UBTD1: variants seen among roughly 807,000 people sequenced by gnomAD.
The protein encoded by UBTD1 is ubiquitin domain containing 1, also known as ubiquitin domain-containing protein 1.
Under a neutral mutation model 21.7 loss-of-function variants are expected in UBTD1, and 19 were observed. The observed-to-expected ratio is 0.87, with a 90% CI of 0.61 to 1.28. The LOEUF (loss-of-function observed/expected upper bound fraction) is 1.28, where lower values mean the gene tolerates loss of function less well. UBTD1 is among the 50% of genes most tolerant of loss of function. The probability of loss-of-function intolerance (pLI) is 0.00; values close to 1 mark genes in which losing one functional copy is unlikely to be tolerated. For synonymous variants in UBTD1, 116 were observed against 135.1 expected (o/e 0.86, Z 0.98); for missense variants, 282 against 315.1 (o/e 0.89, Z 0.80).
chr10:97,518,921 A>C (rs2040455663), intron 1 of UBTD1, among the ~76,000 whole-genome samples: 1 of 152,242 alleles, frequency 6.6e-6, no homozygotes, highest in African/African-American at 2.4e-5. Context: ...TAACTCAATG[A>C]AGTAAGTTGT....
intron 1 of UBTD1, among the ~76,000 whole-genome samples, chr10:97,528,247 G>A (rs1307149949): frequency 7.9e-5 from 10 of 126,438 alleles, no homozygotes; most frequent in Middle Eastern, 4.5e-3. Flanking sequence ...CAGTAGGGGC[G>A]GCCGGGCAGA....
chr10:97,517,814 C>T (rs994167005), intron 1 of UBTD1, among the ~76,000 whole-genome samples: 12 of 152,148 alleles, frequency 7.9e-5, no homozygotes, highest in Non-Finnish European at 1.5e-4. Context: ...GAATGACCAA[C>T]TGCATAGGCC....
intron 1 of UBTD1, among the ~76,000 whole-genome samples, chr10:97,565,185 A>G (rs1323054160): frequency 6.6e-6 from 1 of 152,176 alleles, no homozygotes; most frequent in Non-Finnish European, 1.5e-5. Context: ...CAAATATTTT[A>G]CGGGGTTTGG....
intron 1 of UBTD1, among the ~76,000 whole-genome samples, chr10:97,552,515 GCTC>G (rs1416824054): frequency 1.4e-5 from 2 of 146,904 alleles, no homozygotes; most frequent in African/African-American, 5.0e-5. Context: ...CCTGCCTCAA[GCTC>G]CCAAGTAGTT....
chr10:97,526,748 G>A (rs146665448), intron 1 of UBTD1, among the ~76,000 whole-genome samples: 1,735 of 151,956 alleles, frequency 0.011, 32 homozygotes, highest in African/African-American at 0.04. Flanking sequence ...CTACTTGGGA[G>A]GCTGAAGCAG....
At chr10:97,565,515 A>T (rs2040712746) in intron 1 of UBTD1, among the ~76,000 whole-genome samples, 1 of 152,100 alleles carries the variant, frequency 6.6e-6, no homozygotes, top group Non-Finnish European at 1.5e-5. Flanking sequence ...CTAGCAGGGC[A>T]TAGTGTCACC....
chr10:97,567,914 G>T lies in UBTD1; in HGVS notation c.71G>T (p.Gly24Val). ...AAPGHPRKRAGRNEPLKKERL... is the reference protein window; with the variant it reads ...AAPGHPRKRAVRNEPLKKERL... The stretch of plus-strand genomic sequence containing the variant: ...GAGCCTCTCCTTCTGTCCTGCCCAG[G>T]ACGCAATGAGCCCCTGAAGAAAGAG... The change falls in exon 2 of 3, where the codon GGA (glycine) becomes GTA (valine). Residue 24 changes from glycine to valine, a missense_variant and splice_region_variant. Transcript: ENST00000370664. 1 of 1,614,098 alleles carries T rather than the reference G, an allele frequency of 6.2e-7. No individual in the cohort carries two copies. Among genetic ancestry groups the T allele is most frequent in the Non-Finnish European group, 8.5e-7 (1 of 1,180,030 alleles).
chr10:97,530,231 G>A (rs1054898646), intron 1 of UBTD1, among the ~76,000 whole-genome samples: 2 of 132,808 alleles, frequency 1.5e-5, no homozygotes, highest in Non-Finnish European at 3.5e-5. Flanking sequence ...TGAATGGATG[G>A]ATGAATCGAT....
intron 1 of UBTD1, among the ~76,000 whole-genome samples, chr10:97,563,587 G>A (rs1053216177): frequency 6.6e-6 from 1 of 152,170 alleles, no homozygotes; most frequent in Non-Finnish European, 1.5e-5. Flanking sequence ...GAAAGTATTG[G>A]AGGGTACCCC....
At chr10:97,507,707 C>T (rs559563290) in intron 1 of UBTD1, among the ~76,000 whole-genome samples, 16 of 133,988 alleles carry the variant, frequency 1.2e-4, no homozygotes, top group Admixed American at 9.5e-4. Context: ...ACCTGGGAGG[C>T]GGAGGTTGCA....
At chr10:97,549,071 C>T (rs867631060) in intron 1 of UBTD1, among the ~76,000 whole-genome samples, 5 of 152,232 alleles carry the variant, frequency 3.3e-5, no homozygotes, top group Admixed American at 2.6e-4. Context: ...CCCTGTCTCA[C>T]GCATGTGTGC....
In UBTD1 at chr10:97,500,942, C is replaced by G. The variant is rs112863332; in HGVS notation, c.70+1669C>G. 2.7e-3 allele frequency among the ~76,000 whole-genome samples: 411 copies of G among 152,298 alleles called. 1 individual carries two copies. The highest frequency in any genetic ancestry group is 9.5e-3 in the African/African-American group (395 of 41,556). The stretch of plus-strand genomic sequence containing the variant: ...ACACCTCCAAAACCAGGCTCTGCAT[C>G]GCTCCCTGTCCACCAGCTTTCCTTC... On this transcript the variant is annotated intron_variant, in intron 1 of 2. Transcript: ENST00000370664.
chr10:97,556,044 G>A, intron 1 of UBTD1, among the ~76,000 whole-genome samples: 1 of 152,128 alleles, frequency 6.6e-6, no homozygotes. Context: ...GATTTATATA[G>A]TATGCTTGTG....
intron 1 of UBTD1, among the ~76,000 whole-genome samples, chr10:97,549,832 A>C (rs1258511470): frequency 6.6e-6 from 1 of 152,206 alleles, no homozygotes; most frequent in African/African-American, 2.4e-5. Context: ...TTCAAAAGTT[A>C]CCTAGGCTCT....
At chr10:97,556,795 G>A (rs36013089) in intron 1 of UBTD1, among the ~76,000 whole-genome samples, 1 of 152,204 alleles carries the variant, frequency 6.6e-6, no homozygotes, top group Non-Finnish European at 1.5e-5. Flanking sequence ...CCTGGCGGGG[G>A]CCGTCCAGTC....
chr10:97,518,279 T>G (rs967122055), intron 1 of UBTD1, among the ~76,000 whole-genome samples: 1 of 152,112 alleles, frequency 6.6e-6, no homozygotes, highest in South Asian at 2.1e-4. Context: ...AACCTGCGGC[T>G]TCCTTCCTGT....
At chr10:97,532,551 G>A (rs1187650675) in intron 1 of UBTD1, among the ~76,000 whole-genome samples, 1 of 152,194 alleles carries the variant, frequency 6.6e-6, no homozygotes. Context: ...CAGCACTTTG[G>A]GAGGCCGAGG....
chr10:97,558,882 T>C (rs951131104), intron 1 of UBTD1, among the ~76,000 whole-genome samples: 3 of 152,194 alleles, frequency 2.0e-5, no homozygotes, highest in Non-Finnish European at 4.4e-5. Flanking sequence ...TTATTATTTT[T>C]TTTCTTCCTC....
At chr10:97,538,264 A>G (rs2040572499) in intron 1 of UBTD1, among the ~76,000 whole-genome samples, 1 of 152,072 alleles carries the variant, frequency 6.6e-6, no homozygotes, top group Non-Finnish European at 1.5e-5. Context: ...GGCTGAGGTG[A>G]GAGGATCCCT....
Sources: allele counts gnomAD v4.1 joint callset (sites outside exome capture counted in the v4.1 genomes callset), GRCh38; gene constraint gnomAD v4.1.1; transcripts MANE v1.5; gene names NCBI Gene and HGNC (gene_info 2026-07-23, HGNC 2026-07-21).